TBC1D8: variants seen among roughly 807,000 people sequenced by gnomAD.
TBC1D8 encodes the protein BUB2-like protein 1.
TBC1D8 carries 65 observed loss-of-function variants against 118.8 expected under a neutral mutation model. That is an observed-to-expected ratio of 0.55 (90% CI 0.45 to 0.67). The LOEUF (loss-of-function observed/expected upper bound fraction) is 0.67, where lower values mean the gene tolerates loss of function less well. Ranked by LOEUF, TBC1D8 falls within the 30% of genes least tolerant of loss-of-function variation. The probability of loss-of-function intolerance (pLI) is 0.00; values close to 1 mark genes in which losing one functional copy is unlikely to be tolerated. For synonymous variants in TBC1D8, 566 were observed against 595.8 expected (o/e 0.95, Z 0.73); for missense variants, 1,376 against 1,471.2 (o/e 0.94, Z 1.06).
chr2:101,085,831 G>A (rs67832553), intron 2 of TBC1D8, among the ~76,000 whole-genome samples: 30,610 of 152,128 alleles, frequency 0.2, 3,574 homozygotes, highest in Middle Eastern at 0.32. Flanking sequence ...CTAACAAAAT[G>A]AATTGAGGAT....
rs556443950 is a variant in TBC1D8, at chr2:101,079,787, G to A, written c.283+10422C>T. Among the ~76,000 whole-genome samples, 14 of 140,932 alleles carry A rather than the reference G, an allele frequency of 9.9e-5. No homozygotes were observed. The South Asian group carries it at 1.4e-3, about 14-fold the overall frequency. The allele number at this position is 140,932 out of a possible 152,430, so 92.5% of individuals were successfully genotyped here. On this transcript the variant is annotated intron_variant, in intron 2 of 19. Coordinates refer to ENST00000409318, the MANE Select transcript of TBC1D8 (RefSeq NM_001330348.2). ...TACAAGCTCCGCCTCCCGGGTTCAC[G>A]CCATTCTCCTGCCTCAGCCTCCAGA...
At chr2:101,126,062 A>G (rs1678339492) in intron 1 of TBC1D8, among the ~76,000 whole-genome samples, 1 of 152,188 alleles carries the variant, frequency 6.6e-6, no homozygotes, top group South Asian at 2.1e-4. Flanking sequence ...AGGCTGTACA[A>G]GAAGCATGGC....
intron 1 of TBC1D8, among the ~76,000 whole-genome samples, chr2:101,103,658 C>G (rs184062091): frequency 1.2e-3 from 179 of 152,244 alleles, no homozygotes; most frequent in African/African-American, 4.2e-3. Context: ...TCCCAAAGTG[C>G]TGGGATTACA....
rs1265892819 is a variant in TBC1D8 at position 101,026,309 on chromosome 2, C to T, written c.2520+1074G>A. Among the ~76,000 whole-genome samples the T allele has an allele frequency of 2.6e-5, 4 of 152,124 alleles. 1 individual carries two copies. The highest frequency in any genetic ancestry group is 1.9e-4 in the East Asian group (1 of 5,192). On this transcript the variant is annotated intron_variant, in intron 15 of 19. Transcript: ENST00000409318. Reference sequence around the variant, plus strand: ...TCCTTCCTTGAAAGCCAAAATGAGGCGGGGGTTGGGATACCAAGTAACCTT... The same window carrying T: ...TCCTTCCTTGAAAGCCAAAATGAGGTGGGGGTTGGGATACCAAGTAACCTT...
intron 1 of TBC1D8, among the ~76,000 whole-genome samples, chr2:101,139,438 A>G (rs1311594624): frequency 1.3e-5 from 2 of 152,018 alleles, no homozygotes; most frequent in African/African-American, 2.4e-5. Context: ...ATCTGCCTGC[A>G]TCCAAGCTGC....
rs1681290408 is a variant in TBC1D8, at chr2:101,040,179, T to A, written c.1079A>T (p.Glu360Val). Residue 360 changes from glutamate to valine, a missense_variant and splice_region_variant, in exon 6 of 20, where the codon GAG becomes GTG. Transcript: ENST00000409318. ...AAGCAGACAGTAGGGCCAGTCTACC[T>A]CTCTGAGTGGCAGGATGATCTTACA... ...GCCKIILPLR[E>V]VVSIEKMEDT... 6 of 1,613,800 alleles carry A rather than the reference T, an allele frequency of 3.7e-6. No homozygotes were observed. Among genetic ancestry groups the A allele is most frequent in the Non-Finnish European group, 5.1e-6 (6 of 1,179,786 alleles).
intron 1 of TBC1D8, among the ~76,000 whole-genome samples, chr2:101,139,368 C>T (rs1324867563): frequency 6.6e-6 from 1 of 151,978 alleles, no homozygotes; most frequent in African/African-American, 2.4e-5. Flanking sequence ...AGAGAACTGC[C>T]TTCATCCGCC....
At chr2:101,146,315 A>G (rs1679315388) in intron 1 of TBC1D8, among the ~76,000 whole-genome samples, 1 of 151,700 alleles carries the variant, frequency 6.6e-6, no homozygotes, top group Non-Finnish European at 1.5e-5. Flanking sequence ...TCACTATACC[A>G]TACTTCCTCC....
At chr2:101,105,460 G>A (rs527341945) in intron 1 of TBC1D8, among the ~76,000 whole-genome samples, 27 of 151,654 alleles carry the variant, frequency 1.8e-4, no homozygotes, top group Middle Eastern at 3.4e-3. Context: ...ATGGTGGCTC[G>A]TGCCTGTAAT....
chr2:101,054,059 G>A (rs776790732), intron 4 of TBC1D8, 49 bp downstream of exon 4: 11 of 1,543,308 alleles, frequency 7.1e-6, no homozygotes, highest in Non-Finnish European at 9.7e-6. Flanking sequence ...GCAGCGCTGA[G>A]TCCCTGGGGC....
In TBC1D8 at chr2:101,011,435, GAAAA is replaced by G; in HGVS notation, c.2917+12_2917+15del. 1 of 1,613,588 alleles carries G rather than the reference GAAAA, an allele frequency of 6.2e-7. No homozygotes were observed. Among genetic ancestry groups the G allele is most frequent in the Non-Finnish European group, 8.5e-7 (1 of 1,179,540 alleles). On this transcript the variant is annotated intron_variant, in intron 18 of 19. Transcript: ENST00000409318. ...GTGGTATGCAGGGGAAAGCAACAATGAAAAGAGGTACGTGCCATTGGGTTTCCCG... is the reference window on the plus strand; with the variant it reads ...GTGGTATGCAGGGGAAAGCAACAATGGAGGTACGTGCCATTGGGTTTCCCG...
intron 3 of TBC1D8, among the ~76,000 whole-genome samples, chr2:101,058,087 T>G (rs990572398): frequency 3.3e-5 from 5 of 152,196 alleles, no homozygotes; most frequent in African/African-American, 9.6e-5. Flanking sequence ...AATGGGGCCT[T>G]TCTGTAGCTA....
At chr2:101,110,153 C>T (rs527621821) in intron 1 of TBC1D8, among the ~76,000 whole-genome samples, 40 of 152,324 alleles carry the variant, frequency 2.6e-4, no homozygotes, top group African/African-American at 9.1e-4. Context: ...AGCAATAGTG[C>T]AGCAATTCTT....
intron 1 of TBC1D8, among the ~76,000 whole-genome samples, chr2:101,096,419 CAAAAA>C (rs55824667): frequency 1.5e-3 from 64 of 43,738 alleles, no homozygotes; most frequent in African/African-American, 4.1e-3. Flanking sequence ...TGGCTTTTGA[CAAAAA>C]AAAAAAAAAA....
intron 1 of TBC1D8, among the ~76,000 whole-genome samples, chr2:101,094,097 C>T (rs949663968): frequency 6.6e-6 from 1 of 152,136 alleles, no homozygotes; most frequent in African/African-American, 2.4e-5. Flanking sequence ...TAACACACCC[C>T]ACCCCTGCAA....
At chr2:101,117,800 C>T (rs545507154) in intron 1 of TBC1D8, among the ~76,000 whole-genome samples, 1 of 151,038 alleles carries the variant, frequency 6.6e-6, no homozygotes, top group East Asian at 2.0e-4. Context: ...TGGTCTCGAT[C>T]TCCTGATCTT....
chr2:101,075,348 G>A (rs570148216), intron 2 of TBC1D8, among the ~76,000 whole-genome samples: 70 of 145,234 alleles, frequency 4.8e-4, no homozygotes, highest in African/African-American at 1.6e-3. Context: ...CCAAGATTGC[G>A]CCACTGCACT....
At chr2:101,147,172 A>G (rs538070944) in intron 1 of TBC1D8, among the ~76,000 whole-genome samples, 4 of 152,116 alleles carry the variant, frequency 2.6e-5, no homozygotes, top group Middle Eastern at 3.4e-3. Context: ...GTATAGTTGA[A>G]TAGTGTTCTG....
At chr2:101,052,611 G>C (rs1332193557) in intron 4 of TBC1D8, among the ~76,000 whole-genome samples, 1 of 151,706 alleles carries the variant, frequency 6.6e-6, no homozygotes, top group Non-Finnish European at 1.5e-5. Context: ...CAAGTAACTG[G>C]GACCATAGGC....
Sources: allele counts gnomAD v4.1 joint callset (sites outside exome capture counted in the v4.1 genomes callset), GRCh38; gene constraint gnomAD v4.1.1; transcripts MANE v1.5; gene names NCBI Gene and HGNC (gene_info 2026-07-23, HGNC 2026-07-21).